Variants in ACSF2 observed in about 807,000 individuals in gnomAD.
ACSF2 encodes the protein acyl-CoA synthetase family member 2, also known as medium-chain acyl-CoA ligase ACSF2, mitochondrial.
In ACSF2, 52 loss-of-function variants were observed where a neutral mutation model predicts 79.3. The observed-to-expected ratio is 0.66, with a 90% confidence interval of 0.53 to 0.83. The LOEUF (loss-of-function observed/expected upper bound fraction) is 0.83, where lower values mean the gene tolerates loss of function less well. Among genes scored for constraint, ACSF2 ranks in the 40% least tolerant of loss-of-function variants. The pLI is 0.00. For missense variants in ACSF2, 661 were observed against 803.3 expected, an observed-to-expected ratio of 0.82 and a Z score of 2.14; for synonymous variants, 283 against 312.6, an observed-to-expected ratio of 0.91 and a Z score of 1.00.
intron 1 of ACSF2, among the ~76,000 whole-genome samples, chr17:50,433,111 C>CTTT (rs35016953): frequency 3.5e-5 from 5 of 143,974 alleles, no homozygotes; most frequent in African/African-American, 1.3e-4. Flanking sequence ...TTTTCTTTTT[C>CTTT]TTTTTTTTTT....
chr17:50,452,959 T>C (rs1437095097), intron 1 of ACSF2, among the ~76,000 whole-genome samples: 1 of 152,190 alleles, frequency 6.6e-6, no homozygotes, highest in Non-Finnish European at 1.5e-5. Flanking sequence ...ATTGAGGTTA[T>C]ATTATCTCTG....
At chr17:50,449,665 C>T (rs933615567) in intron 1 of ACSF2, among the ~76,000 whole-genome samples, 3 of 151,970 alleles carry the variant, frequency 2.0e-5, no homozygotes, top group African/African-American at 7.3e-5. Flanking sequence ...CCACCCGCCT[C>T]GGCCTCCCAA....
At chr17:50,427,884 A>G (rs990959066) in intron 1 of ACSF2, among the ~76,000 whole-genome samples, 2 of 152,160 alleles carry the variant, frequency 1.3e-5, no homozygotes, top group Non-Finnish European at 2.9e-5. Flanking sequence ...TTGCTGTGTC[A>G]GGAGGAGACT....
intron 1 of ACSF2, 37 bp downstream of exon 1, chr17:50,426,426 G>T (rs751986208): frequency 2.3e-5 from 30 of 1,289,058 alleles, no homozygotes; most frequent in Non-Finnish European, 3.0e-5. Context: ...GGGCGGGGCA[G>T]TTCCCCGGGA....
At chr17:50,442,651 A>T (rs1231904330) in intron 1 of ACSF2, among the ~76,000 whole-genome samples, 2 of 152,002 alleles carry the variant, frequency 1.3e-5, no homozygotes, top group African/African-American at 4.8e-5. Flanking sequence ...TTTTTTGTAG[A>T]GACGGGGTCT....
At chr17:50,445,145 AC>A (rs897790238) in intron 1 of ACSF2, among the ~76,000 whole-genome samples, 5 of 151,884 alleles carry the variant, frequency 3.3e-5, no homozygotes, top group Admixed American at 1.3e-4. Flanking sequence ...GAACTCCTGG[AC>A]TCAGGGAATC....
intron 3 of ACSF2, 100 bp downstream of exon 3, chr17:50,461,470 G>A (rs1056385477): frequency 1.2e-5 from 19 of 1,587,584 alleles, no homozygotes; most frequent in African/African-American, 5.8e-5. Flanking sequence ...CCAGTGCCTT[G>A]TTGGTTTCAA....
intron 1 of ACSF2, 88 bp from the exon 2 acceptor site, chr17:50,460,589 T>C: frequency 8.2e-7 from 1 of 1,225,874 alleles, no homozygotes; most frequent in East Asian, 2.5e-5. Flanking sequence ...GTCAGCAGCC[T>C]ACCCCCTGGC....
chr17:50,468,623 G>C, intron 10 of ACSF2: 1 of 1,614,236 alleles, frequency 6.2e-7, no homozygotes, highest in Non-Finnish European at 8.5e-7. Context: ...AGCCAGCACC[G>C]GGAAGTTGTT....
intron 10 of ACSF2, 122 bp from the exon 11 acceptor site, chr17:50,470,906 C>T (rs1188982546): frequency 1.8e-5 from 13 of 728,718 alleles, no homozygotes; most frequent in Non-Finnish European, 2.6e-5. Context: ...TCTGTTTCCA[C>T]CATTCGGCTG....
chr17:50,462,444 C>G lies in ACSF2; in HGVS notation c.651C>G (p.Ile217Met). The change falls in exon 6 of 16, where the codon ATC becomes ATG. Residue 217 changes from isoleucine to methionine, a missense_variant. Physicochemically the swap from Ile to Met is conservative, Grantham distance 10. Transcript: ENST00000300441. Reference sequence around the variant, plus strand: ...GGCTCCCAGATCTGACCACAGTCATCTCGGTGGATGCCCCTTTGCCGGGGA... The same window carrying G: ...GGCTCCCAGATCTGACCACAGTCATGTCGGTGGATGCCCCTTTGCCGGGGA... ...SQRLPDLTTV[I>M]SVDAPLPGTL... is the part of the protein sequence containing the mutation. The G allele has an allele frequency of 6.3e-7, 1 of 1,580,438 alleles. No homozygotes were observed. The highest frequency in any genetic ancestry group is 8.6e-7 in the Non-Finnish European group (1 of 1,159,248).
intron 1 of ACSF2, chr17:50,426,951 A>G (rs1316844143): frequency 6.5e-7 from 1 of 1,535,784 alleles, no homozygotes; most frequent in Admixed American, 2.0e-5. Context: ...TTCAGTTCCC[A>G]GTAGCTTCAC....
At position 50,460,836 on chromosome 17, in the gene ACSF2, A is replaced by C; in HGVS notation, c.288A>C (p.Glu96Asp). 1 of 1,611,524 alleles carries C rather than the reference A, an allele frequency of 6.2e-7. No individual in the cohort carries two copies. Among genetic ancestry groups the C allele is most frequent in the Non-Finnish European group, 8.5e-7 (1 of 1,178,670 alleles). Residue 96 changes from glutamate to aspartate, a missense_variant, in exon 2 of 16, where the codon GAA becomes GAC. Physicochemically the swap from Glu to Asp is conservative, Grantham distance 45. Coordinates refer to ENST00000300441, the MANE Select transcript of ACSF2 (RefSeq NM_025149.6). The stretch of plus-strand genomic sequence containing the variant: ...GAGAGGCCTTGGTCGTCCTCCATGA[A>C]GACGTCAGGTTGACCTTTGCCCAAC... The part of the protein sequence containing the change: ...PEREALVVLH[E>D]DVRLTFAQLK...
chr17:50,458,271 C>T (rs1598415776), intron 1 of ACSF2, among the ~76,000 whole-genome samples: 1 of 152,166 alleles, frequency 6.6e-6, no homozygotes, highest in Non-Finnish European at 1.5e-5. Flanking sequence ...TTTGGGGGCT[C>T]TCCTCATTCT....
intron 1 of ACSF2, among the ~76,000 whole-genome samples, chr17:50,433,966 ACTT>A (rs1353250634): frequency 2.0e-5 from 3 of 151,378 alleles, no homozygotes; most frequent in Admixed American, 2.0e-4. Context: ...CCAAATTATC[ACTT>A]CTTATGTATT....
chr17:50,434,827 T>A (rs2030256419), intron 1 of ACSF2, among the ~76,000 whole-genome samples: 1 of 152,180 alleles, frequency 6.6e-6, no homozygotes, highest in South Asian at 2.1e-4. Context: ...ATCATGGGGC[T>A]TTATGATATA....
chr17:50,445,539 A>G (rs1251614177), intron 1 of ACSF2, among the ~76,000 whole-genome samples: 1 of 152,162 alleles, frequency 6.6e-6, no homozygotes, highest in Non-Finnish European at 1.5e-5. Flanking sequence ...TCACGTCTGT[A>G]ATCCCAACAC....
intron 12 of ACSF2, 87 bp downstream of exon 12, chr17:50,472,666 C>A (rs766409758): frequency 1.6e-4 from 233 of 1,459,010 alleles, no homozygotes; most frequent in Admixed American, 2.5e-4. Flanking sequence ...AACCTGGCAC[C>A]GTGAGGATGT....
chr17:50,461,824 T>C (rs1000716033), intron 4 of ACSF2, 138 bp downstream of exon 4: 10 of 1,159,826 alleles, frequency 8.6e-6, no homozygotes, highest in Non-Finnish European at 1.1e-5. Flanking sequence ...CCTTAGGCCA[T>C]GTGTGATTGG....
Sources: gnomAD v4.1 joint callset for allele counts (sites outside exome capture counted in the v4.1 genomes callset) on GRCh38, gnomAD v4.1.1 for gene constraint, MANE v1.5 for transcripts, NCBI Gene and HGNC (gene_info 2026-07-23, HGNC 2026-07-21) for gene names.